The following KCNK9 variants were observed in gnomAD, a reference collection of about 807,000 sequenced individuals.
KCNK9 encodes the protein potassium channel subfamily K member 9.
In KCNK9, 1 loss-of-function variant was observed where a neutral mutation model predicts 10.8. The ratio of observed to expected loss-of-function variants is 0.09; its 90% CI spans 0.03 to 0.44. The LOEUF (loss-of-function observed/expected upper bound fraction) is 0.44, where lower values mean the gene tolerates loss of function less well. KCNK9 is among the 20% of genes least tolerant of loss of function. KCNK9 has a pLI of 0.97. For synonymous variants in KCNK9, 231 were observed against 222.7 expected, an observed-to-expected ratio of 1.04 and a Z score of -0.33; for missense variants, 303 against 515.0, an observed-to-expected ratio of 0.59 and a Z score of 3.98.
chr8:139,620,386 T>C (rs559188730), intron 1 of KCNK9, among the ~76,000 whole-genome samples: 2 of 152,308 alleles, frequency 1.3e-5, no homozygotes, highest in South Asian at 4.1e-4. Context: ...TTCAAACCCA[T>C]GTGTCTTTAT....
intron 1 of KCNK9, among the ~76,000 whole-genome samples, chr8:139,664,550 G>GAAT (rs769395384): frequency 1.9e-4 from 29 of 152,088 alleles, no homozygotes; most frequent in Non-Finnish European, 3.1e-4. Flanking sequence ...ACCGAATTGA[G>GAAT]AATCCAGAAG....
chr8:139,616,043 A>AGACT (rs1451219140), downstream of KCNK9: 5 of 152,134 alleles, frequency 3.3e-5, no homozygotes, highest in African/African-American at 4.8e-5. Context: ...CCAGACTGAG[A>AGACT]CACCTGTCTC....
At chr8:139,635,571 A>G (rs1382050870) in intron 1 of KCNK9, among the ~76,000 whole-genome samples, 1 of 152,248 alleles carries the variant, frequency 6.6e-6, no homozygotes, top group Non-Finnish European at 1.5e-5. Flanking sequence ...AAACCAGAAA[A>G]GAAATGGAAA....
chr8:139,700,327 G>A (rs1447183585), intron 1 of KCNK9, among the ~76,000 whole-genome samples: 2 of 152,126 alleles, frequency 1.3e-5, no homozygotes, highest in Non-Finnish European at 2.9e-5. Flanking sequence ...TCTGCAGGTG[G>A]GGAAACTGAG....
intron 1 of KCNK9, among the ~76,000 whole-genome samples, chr8:139,661,916 T>A (rs1816159729): frequency 6.6e-6 from 1 of 152,206 alleles, no homozygotes; most frequent in African/African-American, 2.4e-5. Flanking sequence ...CAGCCTCCTG[T>A]TCCTGTGGGG....
intron 1 of KCNK9, among the ~76,000 whole-genome samples, chr8:139,697,902 G>A (rs1271131847): frequency 1.3e-5 from 2 of 152,124 alleles, no homozygotes; most frequent in Non-Finnish European, 2.9e-5. Context: ...TGGGGAAGAG[G>A]AGCTGCCCAC....
downstream of KCNK9, among the ~76,000 whole-genome samples, chr8:139,610,654 A>G (rs1814392725): frequency 6.6e-6 from 1 of 152,190 alleles, no homozygotes; most frequent in Non-Finnish European, 1.5e-5. Flanking sequence ...TATTTTTAGA[A>G]TTTTATTATG....
intron 1 of KCNK9, among the ~76,000 whole-genome samples, chr8:139,681,387 T>G (rs1356015166): frequency 6.6e-6 from 1 of 152,030 alleles, no homozygotes; most frequent in Non-Finnish European, 1.5e-5. Flanking sequence ...TGGGTCAAGG[T>G]GTGAGACAGG....
chr8:139,647,854 G>A (rs1054129817), intron 1 of KCNK9, among the ~76,000 whole-genome samples: 5 of 152,132 alleles, frequency 3.3e-5, no homozygotes, highest in South Asian at 2.1e-4. Context: ...TGAAAATGGC[G>A]CAGCTGCTGT....
At chr8:139,694,087 C>T (rs1341858573) in intron 1 of KCNK9, among the ~76,000 whole-genome samples, 1 of 152,148 alleles carries the variant, frequency 6.6e-6, no homozygotes, top group Non-Finnish European at 1.5e-5. Flanking sequence ...AGGAGCATTT[C>T]TCAGTCAGGG....
chr8:139,609,861 T>C (rs1814365245), downstream of KCNK9, among the ~76,000 whole-genome samples: 1 of 152,110 alleles, frequency 6.6e-6, no homozygotes, highest in African/African-American at 2.4e-5. Context: ...GTCCTGTCCA[T>C]GGTGGACACT....
chr8:139,625,145 C>T (rs1586639750), intron 1 of KCNK9, among the ~76,000 whole-genome samples: 1 of 147,808 alleles, frequency 6.8e-6, no homozygotes, highest in East Asian at 2.1e-4. Flanking sequence ...GGCTGGCGTG[C>T]AGCCCTTGGG....
chr8:139,630,506 TAGCCACCCACACCCTTCCACCC>T (rs1815131875), intron 1 of KCNK9, among the ~76,000 whole-genome samples: 1 of 152,154 alleles, frequency 6.6e-6, no homozygotes, highest in African/African-American at 2.4e-5. Flanking sequence ...TGGTCCCACT[TAGCCACCCACACCCTTCCACCC>T]ACTCCAGCCT....
intron 1 of KCNK9, among the ~76,000 whole-genome samples, chr8:139,637,348 G>A (rs540562809): frequency 1.3e-5 from 2 of 152,344 alleles, no homozygotes; most frequent in South Asian, 4.1e-4. Flanking sequence ...GTGCCATAAG[G>A]ATGTTCAAAG....
chr8:139,614,479 C>T (rs183969578), downstream of KCNK9, among the ~76,000 whole-genome samples: 394 of 152,298 alleles, frequency 2.6e-3, 4 homozygotes, highest in African/African-American at 9.3e-3. Flanking sequence ...ATCAGCCATG[C>T]ACAGTGGGAG....
At chr8:139,673,603 C>T (rs1816486155) in intron 1 of KCNK9, among the ~76,000 whole-genome samples, 1 of 152,198 alleles carries the variant, frequency 6.6e-6, no homozygotes, top group Non-Finnish European at 1.5e-5. Flanking sequence ...GCTTCAAGGG[C>T]TTTCCAGGGC....
At chr8:139,684,588 A>G (rs1055438660) in intron 1 of KCNK9, among the ~76,000 whole-genome samples, 5 of 152,258 alleles carry the variant, frequency 3.3e-5, no homozygotes, top group African/African-American at 1.2e-4. Context: ...AGGATCAAAC[A>G]GAATTTTAAA....
At chr8:139,667,875 C>T (rs1321814394) in intron 1 of KCNK9, among the ~76,000 whole-genome samples, 2 of 117,206 alleles carry the variant, frequency 1.7e-5, no homozygotes, top group Non-Finnish European at 3.7e-5. Context: ...AGCAAGACTC[C>T]GTCTTAATAA....
At chr8:139,610,401 A>C (rs539687470), downstream of KCNK9, among the ~76,000 whole-genome samples, 18 of 152,356 alleles carry the variant, frequency 1.2e-4, no homozygotes, top group Non-Finnish European at 2.4e-4. Flanking sequence ...CAAGTTCCTC[A>C]TGCCAAGTAA....
Sources: allele counts gnomAD v4.1 joint callset (sites outside exome capture counted in the v4.1 genomes callset), GRCh38; gene constraint gnomAD v4.1.1; transcripts MANE v1.5; gene names NCBI Gene and HGNC (gene_info 2026-07-23, HGNC 2026-07-21).